NEGR1: variants seen among roughly 807,000 people sequenced by gnomAD.
NEGR1 encodes the protein IgLON family member 4.
NEGR1 carries 10 observed loss-of-function variants against 40.9 expected under a neutral mutation model. The observed-to-expected ratio is 0.24, with a 90% CI of 0.15 to 0.42. The LOEUF is 0.42. Among genes scored for constraint, NEGR1 ranks in the 10% least tolerant of loss-of-function variants. The pLI, the probability that NEGR1 is intolerant of heterozygous loss-of-function variation, is 1.00. For missense variants in NEGR1, 352 were observed against 438.9 expected (o/e 0.80, Z 1.77); for synonymous variants, 185 against 166.8 (o/e 1.11, Z -0.84).
At chr1:71,757,570 AT>A (rs986792204) in intron 3 of NEGR1, among the ~76,000 whole-genome samples, 3 of 152,034 alleles carry the variant, frequency 2.0e-5, no homozygotes, top group South Asian at 2.1e-4. Context: ...ATTTTGACAG[AT>A]TTTTTTTCTA....
intron 1 of NEGR1, among the ~76,000 whole-genome samples, chr1:72,163,313 C>T (rs1651655391): frequency 6.6e-6 from 1 of 152,104 alleles, no homozygotes; most frequent in South Asian, 2.1e-4. Context: ...GTCTATTCTG[C>T]TAACCTATGA....
chr1:71,732,641 A>C (rs557710560), intron 3 of NEGR1, among the ~76,000 whole-genome samples: 78 of 152,210 alleles, frequency 5.1e-4, no homozygotes, highest in African/African-American at 1.8e-3. Flanking sequence ...AGAAGAAAAA[A>C]TCAAGTTTTT....
At chr1:71,639,919 C>A (rs771331769) in intron 4 of NEGR1, among the ~76,000 whole-genome samples, 56 of 152,078 alleles carry the variant, frequency 3.7e-4, no homozygotes, top group Non-Finnish European at 6.9e-4. Flanking sequence ...TTCCTCCATT[C>A]ATTCCCAAGG....
At position 71,621,628 on chromosome 1, in the gene NEGR1, C is replaced by T. The variant is rs1248646327; in HGVS notation, c.668-10482G>A. Among the ~76,000 whole-genome samples, 10 of 151,582 alleles carry T rather than the reference C, an allele frequency of 6.6e-5. No homozygotes were observed. In the South Asian group the frequency reaches 1.5e-3, roughly 22 times the overall value. On this transcript the variant is annotated intron_variant, in intron 4 of 6. Coordinates refer to ENST00000357731, the MANE Select transcript of NEGR1 (RefSeq NM_173808.3). Reference sequence around the variant, plus strand: ...CAAAATTATTTGGTAAAAAAATTTTCGGAGCGCAGAGATATATGACTACAT... The same window carrying T: ...CAAAATTATTTGGTAAAAAAATTTTTGGAGCGCAGAGATATATGACTACAT...
At chr1:72,119,802 A>G (rs1179272426) in intron 1 of NEGR1, among the ~76,000 whole-genome samples, 1 of 151,924 alleles carries the variant, frequency 6.6e-6, no homozygotes. Flanking sequence ...CCAAAATGTC[A>G]ATAGTGTTGA....
At chr1:72,022,276 TATATATATATATATATATATATATAC>T (rs986487940) in intron 1 of NEGR1, among the ~76,000 whole-genome samples, 1 of 86,702 alleles carries the variant, frequency 1.2e-5, no homozygotes, top group African/African-American at 6.0e-5. Context: ...TATATATATA[TATATATATATATATATATATATATAC>T]ACGAATATCC....
intron 1 of NEGR1, among the ~76,000 whole-genome samples, chr1:72,097,977 T>A (rs866597376): frequency 3.9e-5 from 6 of 152,200 alleles, no homozygotes; most frequent in South Asian, 2.1e-4. Flanking sequence ...TCCCTTTCTT[T>A]ACACTGAAGC....
At chr1:72,166,953 T>C (rs1251879171) in intron 1 of NEGR1, among the ~76,000 whole-genome samples, 1 of 152,064 alleles carries the variant, frequency 6.6e-6, no homozygotes, top group African/African-American at 2.4e-5. Flanking sequence ...ATGGCTTGAT[T>C]GAAGTGACAG....
intron 3 of NEGR1, among the ~76,000 whole-genome samples, chr1:71,741,310 T>C (rs1458394329): frequency 2.6e-5 from 4 of 152,106 alleles, no homozygotes; most frequent in Admixed American, 6.6e-5. Context: ...GCCATGAACA[T>C]TGCAAAAATA....
chr1:71,914,625 T>C (rs989217816), intron 2 of NEGR1, among the ~76,000 whole-genome samples: 5 of 152,212 alleles, frequency 3.3e-5, no homozygotes, highest in African/African-American at 1.2e-4. Flanking sequence ...TTTAGTCATC[T>C]CATAGTTTAC....
chr1:71,969,640 T>G (rs1477591847), intron 1 of NEGR1, among the ~76,000 whole-genome samples: 1 of 152,222 alleles, frequency 6.6e-6, no homozygotes, highest in African/African-American at 2.4e-5. Context: ...AAAGTCAGTA[T>G]TCTGTCTTAA....
intron 4 of NEGR1, among the ~76,000 whole-genome samples, chr1:71,660,900 C>T (rs958988905): frequency 1.6e-4 from 25 of 152,136 alleles, no homozygotes; most frequent in Non-Finnish European, 3.4e-4. Flanking sequence ...CCTCTCTGTG[C>T]CCATATGATC....
intron 2 of NEGR1, among the ~76,000 whole-genome samples, chr1:71,917,461 A>G (rs567550467): frequency 3.9e-5 from 6 of 152,268 alleles, no homozygotes; most frequent in Admixed American, 2.6e-4. Context: ...GATCTTGATA[A>G]GGCCATATCA....
chr1:71,845,151 A>G (rs1260296652), intron 2 of NEGR1, among the ~76,000 whole-genome samples: 1 of 152,162 alleles, frequency 6.6e-6, no homozygotes, highest in Non-Finnish European at 1.5e-5. Flanking sequence ...TCACAAGGAA[A>G]CATTTCCTGT....
intron 6 of NEGR1, among the ~76,000 whole-genome samples, chr1:71,588,116 A>G (rs187433922): frequency 1.2e-4 from 18 of 152,278 alleles, no homozygotes; most frequent in African/African-American, 4.3e-4. Flanking sequence ...AATTCCCACT[A>G]AAGTGATAGC....
At chr1:72,080,680 C>T (rs369202944) in intron 1 of NEGR1, among the ~76,000 whole-genome samples, 6 of 151,986 alleles carry the variant, frequency 3.9e-5, no homozygotes, top group Admixed American at 2.0e-4. Flanking sequence ...TGACCATATA[C>T]GAGCTATGGG....
intron 1 of NEGR1, among the ~76,000 whole-genome samples, chr1:71,952,541 G>A (rs1257899509): frequency 6.6e-6 from 1 of 151,978 alleles, no homozygotes; most frequent in Non-Finnish European, 1.5e-5. Flanking sequence ...ACATAAAAGT[G>A]CAAGATGAGG....
chr1:72,254,774 A>T (rs1396205651), intron 1 of NEGR1, among the ~76,000 whole-genome samples: 9 of 151,482 alleles, frequency 5.9e-5, no homozygotes, highest in Non-Finnish European at 1.3e-4. Flanking sequence ...CAACGTTGAC[A>T]TTTTACATGA....
intron 6 of NEGR1, among the ~76,000 whole-genome samples, chr1:71,588,056 G>C (rs949649203): frequency 1.2e-4 from 18 of 152,028 alleles, no homozygotes; most frequent in Admixed American, 1.2e-3. Context: ...GAAACAAAGC[G>C]TGTACAACAT....
Sources: gnomAD v4.1 joint callset for allele counts (sites outside exome capture counted in the v4.1 genomes callset) on GRCh38, gnomAD v4.1.1 for gene constraint, MANE v1.5 for transcripts, NCBI Gene and HGNC (gene_info 2026-07-23, HGNC 2026-07-21) for gene names.